PPFIA4: variants seen among roughly 807,000 people sequenced by gnomAD.
PPFIA4 encodes the protein PPFI scaffold protein A4.
In PPFIA4, 98 loss-of-function variants were observed where a neutral mutation model predicts 145.7. That is an observed-to-expected ratio of 0.67 (90% CI 0.57 to 0.80). PPFIA4 has a LOEUF of 0.80. Ranked by LOEUF, PPFIA4 falls within the 30% of genes least tolerant of loss-of-function variation. The pLI, the probability that PPFIA4 is intolerant of heterozygous loss-of-function variation, is 0.00. For synonymous variants in PPFIA4, 628 were observed against 649.6 expected (o/e 0.97, Z 0.51); for missense variants, 1,457 against 1,632.7 (o/e 0.89, Z 1.85).
intron 1 of PPFIA4, chr1:203,035,757 C>T (rs1422926442): frequency 1.4e-5 from 6 of 429,914 alleles, no homozygotes; most frequent in African/African-American, 2.0e-5. Context: ...AGCCAGGTGC[C>T]CCACGTGGCT....
intron 27 of PPFIA4, among the ~76,000 whole-genome samples, chr1:203,070,674 A>G (rs2102692752): frequency 6.6e-6 from 1 of 151,036 alleles, no homozygotes; most frequent in East Asian, 2.0e-4. Context: ...ACTCTGAATG[A>G]GTTAATCTCC....
At position 203,048,768 on chromosome 1, in the gene PPFIA4, G is replaced by A; in HGVS notation, c.1356+54G>A. ...AGAGGTTAGTGCTGGGTGTGGGGCG[G>A]GGGGAGGCGGGACTGTGATGGGCGC... On this transcript the variant is annotated intron_variant, in intron 11 of 29. Transcript: ENST00000295706. The surrounding 1 kb of genome is among the most constrained non-coding windows in gnomAD (Gnocchi z 5.8). The A allele has an allele frequency of 5.1e-6, 8 of 1,576,940 alleles. No individual in the cohort carries two copies. The highest frequency in any genetic ancestry group is 1.3e-5 in the African/African-American group (1 of 74,434).
chr1:203,037,594 G>A (rs1475258890), intron 1 of PPFIA4, among the ~76,000 whole-genome samples: 2 of 152,202 alleles, frequency 1.3e-5, no homozygotes, highest in African/African-American at 4.8e-5. Context: ...CGCTGCATGC[G>A]GCCTTTTTCT....
Position 203,056,725 on chromosome 1 carries a change from C to G in PPFIA4, c.2241-59C>G, listed in dbSNP as rs572747542. The G allele has an allele frequency of 8.0e-5, 114 of 1,421,850 alleles. 2 individuals carry two copies. The East Asian group carries it at 1.1e-3, about 14-fold the overall frequency. 88.1% of individuals were successfully genotyped at this position (1,421,850 alleles called of 1,614,324 possible). ...TCCTGAGGTCTAACTTCCATCTTTC[C>G]TGCTGTCACTTAAGTATGTTTCTTC... On this transcript the variant is annotated intron_variant, in intron 18 of 29. Transcript: ENST00000295706.
chr1:203,046,168 C>G, intron 8 of PPFIA4, 80 bp from the exon 9 acceptor site: 1 of 1,520,494 alleles, frequency 6.6e-7, no homozygotes, highest in Non-Finnish European at 8.9e-7. Context: ...GACCTGTCAT[C>G]TGCTCTCTGC....
chr1:203,073,490 A>G (rs1662309440), intron 28 of PPFIA4, among the ~76,000 whole-genome samples: 1 of 152,142 alleles, frequency 6.6e-6, no homozygotes, highest in Non-Finnish European at 1.5e-5. Context: ...AGGTCCTGAG[A>G]ATAAGGCAAG....
intron 19 of PPFIA4, 130 bp from the exon 20 acceptor site, chr1:203,059,048 T>A: frequency 7.3e-6 from 5 of 684,794 alleles, no homozygotes; most frequent in Non-Finnish European, 1.3e-5. Context: ...GCTCCAGGAA[T>A]AATGGTCCCG....
chr1:203,065,887 A>G (rs540520881), intron 25 of PPFIA4, among the ~76,000 whole-genome samples: 3 of 152,318 alleles, frequency 2.0e-5, no homozygotes, highest in Admixed American at 6.5e-5. Flanking sequence ...ATGGTGCTCT[A>G]TTGAGCAGGT....
chr1:203,056,604 T>C (rs1660973442), intron 18 of PPFIA4, 96 bp downstream of exon 18: 1 of 1,471,410 alleles, frequency 6.8e-7, no homozygotes, highest in South Asian at 1.3e-5. Flanking sequence ...CCTGTCCCAG[T>C]TTCTGAATGT....
At position 203,060,124 on chromosome 1, in the gene PPFIA4, T is replaced by C. The variant is rs183614117; in HGVS notation, c.2584-93T>C. Reference sequence around the variant, plus strand: ...GATCTGTATTTGCTATTCGAGTCCGTGGATGAGGCCTGGCCCTTGCCCCTT... The same window carrying C: ...GATCTGTATTTGCTATTCGAGTCCGCGGATGAGGCCTGGCCCTTGCCCCTT... On this transcript the variant is annotated intron_variant, in intron 21 of 29. Coordinates refer to ENST00000295706, the MANE Select transcript of PPFIA4 (RefSeq NM_001304331.2). The surrounding 1 kb of genome is among the most constrained non-coding windows in gnomAD (Gnocchi z 4.8). 23 of 1,242,634 alleles carry C rather than the reference T, an allele frequency of 1.9e-5. No individual in the cohort carries two copies. In the East Asian group the frequency reaches 5.5e-4, roughly 30 times the overall value. 77.0% of individuals were successfully genotyped at this position (1,242,634 alleles called of 1,614,324 possible). A position where few individuals can be genotyped will look rare whatever the true frequency, so the allele number is the denominator to read the frequency against.
chr1:203,034,616 C>T (rs1404523981), intron 1 of PPFIA4: 3 of 456,556 alleles, frequency 6.6e-6, no homozygotes, highest in African/African-American at 4.0e-5. Context: ...GGGCTGGGAG[C>T]AGAGATTTGG....
intron 1 of PPFIA4, among the ~76,000 whole-genome samples, chr1:203,030,874 T>C (rs1470158268): frequency 1.3e-5 from 2 of 152,206 alleles, no homozygotes; most frequent in Non-Finnish European, 2.9e-5. Flanking sequence ...CATGGCTGTG[T>C]ACCCACACAT....
intron 25 of PPFIA4, among the ~76,000 whole-genome samples, chr1:203,065,719 TA>T (rs1317235675): frequency 6.6e-6 from 1 of 152,260 alleles, no homozygotes; most frequent in African/African-American, 2.4e-5. Context: ...TCATGATTTT[TA>T]TGACAAGAAA....
Position 203,060,626 on chromosome 1 carries a change from C to T in PPFIA4, c.2784+209C>T, listed in dbSNP as rs1661296949. 6.6e-6 allele frequency among the ~76,000 whole-genome samples: 1 copy of T among 152,232 alleles called. No individual in the cohort carries two copies. Among genetic ancestry groups the T allele is most frequent in the Non-Finnish European group, 1.5e-5 (1 of 68,046 alleles). Reference sequence around the variant, plus strand: ...TTGGTTCCCTGCCTTTCACATACCACCCATGGGGCTCCATCTCCCCATCCC... The same window carrying T: ...TTGGTTCCCTGCCTTTCACATACCATCCATGGGGCTCCATCTCCCCATCCC... On this transcript the variant is annotated intron_variant, in intron 22 of 29. Coordinates refer to ENST00000295706, the MANE Select transcript of PPFIA4 (RefSeq NM_001304331.2). The surrounding 1 kb of genome is among the most constrained non-coding windows in gnomAD (Gnocchi z 4.8).
rs746977435 is a variant in PPFIA4 at position 203,046,402 on chromosome 1, G to A, written c.1140+20G>A. On this transcript the variant is annotated intron_variant, in intron 9 of 29. Coordinates refer to ENST00000295706, the MANE Select transcript of PPFIA4 (RefSeq NM_001304331.2). ...ACCAAGGCAAGTGGGCCAGGGGCCT[G>A]GGATCTGCCTCTGTCCCCCATGTTC... 3 of 1,574,490 alleles carry A rather than the reference G, an allele frequency of 1.9e-6. No individual in the cohort carries two copies. In the South Asian group the frequency reaches 3.5e-5, roughly 18 times the overall value.
chr1:203,056,113 C>T lies in PPFIA4; in HGVS notation c.2071-7C>T. ...AGTCTGAGCTTACCCATCCCTCTCT[C>T]TTGCAGCCCAGTGACTTAAGAAAGC... is the stretch of plus-strand genomic sequence containing the variant. On this transcript the variant is annotated splice_polypyrimidine_tract_variant and splice_region_variant and intron_variant, in intron 16 of 29. Transcript: ENST00000295706. 6.2e-7 allele frequency: 1 copy of T among 1,614,024 alleles called. No homozygotes were observed. The highest frequency in any genetic ancestry group is 1.3e-5 in the African/African-American group (1 of 75,046).
In PPFIA4 at chr1:203,052,050, C is replaced by CCCG. The variant is rs371524341; in HGVS notation, c.1620+175_1620+176insGCC. 5.7e-3 allele frequency among the ~76,000 whole-genome samples: 795 copies of CCCG among 138,600 alleles called. 51 individuals are homozygous for CCCG. The highest frequency in any genetic ancestry group is 0.02 in the African/African-American group (737 of 36,716). The allele number at this position is 138,600 out of a possible 152,430, so 90.9% of individuals were successfully genotyped here. ...TCGTCAGCTGCAACAGCTGTGCCCC[C>CCCG]CCCCCCGCTTGCCTTGGCCTCCTGG... On this transcript the variant is annotated intron_variant, in intron 14 of 29. Coordinates refer to ENST00000295706, the MANE Select transcript of PPFIA4 (RefSeq NM_001304331.2).
chr1:203,030,724 G>A (rs1453312021), intron 1 of PPFIA4, among the ~76,000 whole-genome samples: 1 of 152,198 alleles, frequency 6.6e-6, no homozygotes, highest in Non-Finnish European at 1.5e-5. Context: ...GACTTACGCT[G>A]TCTCATGAGC....
chr1:203,074,481 T>A (rs111256351), intron 28 of PPFIA4, among the ~76,000 whole-genome samples: 24 of 152,070 alleles, frequency 1.6e-4, no homozygotes, highest in African/African-American at 5.3e-4. Context: ...ATTAATGAAA[T>A]AATCTCATAA....
Sources: gnomAD v4.1 joint callset for allele counts (sites outside exome capture counted in the v4.1 genomes callset) on GRCh38, gnomAD v4.1.1 for gene constraint, Gnocchi (gnomAD v3.1) non-coding constraint, MANE v1.5 for transcripts, NCBI Gene and HGNC (gene_info 2026-07-23, HGNC 2026-07-21) for gene names.